TULP4: variants seen among roughly 807,000 people sequenced by gnomAD.
The protein encoded by TULP4 is TUB like protein 4, also known as tubby-related protein 4.
A neutral mutation model predicts 129.0 loss-of-function variants in TULP4; 16 were observed. The ratio of observed to expected loss-of-function variants is 0.12; its 90% CI spans 0.08 to 0.19. The LOEUF (loss-of-function observed/expected upper bound fraction) is 0.19. TULP4 is among the 10% of genes least tolerant of loss of function. The pLI, the probability that TULP4 is intolerant of heterozygous loss-of-function variation, is 1.00. For missense variants in TULP4, 1,842 were observed against 2,059.1 expected (o/e 0.89, Z 2.04); for synonymous variants, 998 against 854.0 (o/e 1.17, Z -2.94).
Position 158,313,967 on chromosome 6 carries a change from T to G in TULP4, c.-50T>G. ...ACCAATGAAAGAAATTGGTTTAAAT[T>G]TCACAGCATTAACATTACTTTTTAA... On this transcript the variant is annotated 5_prime_UTR_variant, in exon 1 of 14. In the 5' UTR this introduces an upstream ATG that the reference lacks. Transcript: ENST00000367097. 6.3e-7 allele frequency: 1 copy of G among 1,582,104 alleles called. No individual in the cohort carries two copies. Among genetic ancestry groups the G allele is most frequent in the Non-Finnish European group, 8.6e-7 (1 of 1,163,210 alleles).
chr6:158,253,988 G>A (rs548058911), intron 1 of TULP4, among the ~76,000 whole-genome samples: 106 of 152,036 alleles, frequency 7.0e-4, no homozygotes, highest in African/African-American at 2.3e-3. Flanking sequence ...GCAGTGAGCT[G>A]AGATTGCCCC....
Position 158,502,696 on chromosome 6 carries a change from C to T in TULP4, c.3033C>T (p.Pro1011=). Residue 1011 remains proline, a synonymous_variant, in exon 13 of 14, where the codon CCC becomes CCT. Coordinates refer to ENST00000367097, the MANE Select transcript of TULP4 (RefSeq NM_020245.5). The part of the protein sequence containing the change: ...LADSPRAPLQ[P]LAKSKGGPGG... ...ACAGCCCGCGGGCCCCCCTGCAGCC[C>T]CTGGCCAAGTCCAAGGGCGGGCCCG... 1 of 1,559,032 alleles carries T rather than the reference C, an allele frequency of 6.4e-7. No homozygotes were observed. The highest frequency in any genetic ancestry group is 2.3e-5 in the East Asian group (1 of 44,320).
At chr6:158,359,378 G>A (rs1226380151) in intron 1 of TULP4, among the ~76,000 whole-genome samples, 1 of 152,204 alleles carries the variant, frequency 6.6e-6, no homozygotes, top group African/African-American at 2.4e-5. Flanking sequence ...TGTTAAAGGA[G>A]AGTTTATTAA....
At chr6:158,392,613 A>T (rs1308810481) in intron 1 of TULP4, among the ~76,000 whole-genome samples, 2 of 151,948 alleles carry the variant, frequency 1.3e-5, no homozygotes, top group Non-Finnish European at 2.9e-5. Context: ...CTCACATCTC[A>T]GGGGCCAGCC....
At chr6:158,464,704 G>T (rs898183468) in intron 6 of TULP4, among the ~76,000 whole-genome samples, 3 of 152,148 alleles carry the variant, frequency 2.0e-5, no homozygotes, top group African/African-American at 7.2e-5. Flanking sequence ...TGGCCCCAAG[G>T]TTCTTGTTAT....
At chr6:158,426,939 A>G (rs1405240704) in intron 2 of TULP4, among the ~76,000 whole-genome samples, 1 of 151,978 alleles carries the variant, frequency 6.6e-6, no homozygotes, top group Non-Finnish European at 1.5e-5. Flanking sequence ...CCTTCACCTC[A>G]CTGGTTATCT....
chr6:158,328,051 T>G (rs979812572), intron 1 of TULP4, among the ~76,000 whole-genome samples: 2 of 151,684 alleles, frequency 1.3e-5, no homozygotes, highest in Middle Eastern at 3.4e-3. Flanking sequence ...CCTGTGAATA[T>G]ACTCCTGTTG....
intron 11 of TULP4, among the ~76,000 whole-genome samples, chr6:158,497,816 G>A (rs966391560): frequency 2.0e-5 from 3 of 152,322 alleles, no homozygotes; most frequent in Non-Finnish European, 4.4e-5. Flanking sequence ...CTGCTGTGCC[G>A]CAGTCATGCT....
chr6:158,500,065 CTTT>C (rs1780409154), intron 12 of TULP4, among the ~76,000 whole-genome samples: 1 of 152,172 alleles, frequency 6.6e-6, no homozygotes, highest in East Asian at 1.9e-4. Context: ...TTAGAAGTAT[CTTT>C]TAAACTTTCC....
chr6:158,415,416 C>G (rs1422774684), intron 2 of TULP4, among the ~76,000 whole-genome samples: 2 of 146,308 alleles, frequency 1.4e-5, no homozygotes, highest in Non-Finnish European at 3.0e-5. Context: ...GGGGCACGAT[C>G]TCAACTCACT....
chr6:158,366,463 T>A (rs1780967252), intron 1 of TULP4, among the ~76,000 whole-genome samples: 1 of 152,228 alleles, frequency 6.6e-6, no homozygotes, highest in Admixed American at 6.5e-5. Context: ...GCCCCAGGGA[T>A]GGGCTTTATC....
At chr6:158,495,122 C>G (rs1047256032) in intron 11 of TULP4, among the ~76,000 whole-genome samples, 7 of 151,612 alleles carry the variant, frequency 4.6e-5, no homozygotes, top group Admixed American at 3.9e-4. Context: ...GTGACACGAT[C>G]ACAGCTCACT....
chr6:158,303,596 A>G (rs1386466751), intron 1 of TULP4, among the ~76,000 whole-genome samples: 1 of 152,186 alleles, frequency 6.6e-6, no homozygotes, highest in Non-Finnish European at 1.5e-5. Context: ...GCAAAAGCAG[A>G]ACTACTGGTA....
chr6:158,406,536 TA>T (rs1777981082), intron 1 of TULP4, among the ~76,000 whole-genome samples: 1 of 152,194 alleles, frequency 6.6e-6, no homozygotes, highest in South Asian at 2.1e-4. Context: ...GTTAGAGTCA[TA>T]GGGGGTACTA....
At chr6:158,370,482 A>AT (rs1206310146) in intron 1 of TULP4, among the ~76,000 whole-genome samples, 46 of 149,780 alleles carry the variant, frequency 3.1e-4, no homozygotes, top group Middle Eastern at 3.4e-3. Flanking sequence ...AAAAAAAAAA[A>AT]AGATTGTGGC....
chr6:158,293,983 C>G (rs1001430901), intron 1 of TULP4, among the ~76,000 whole-genome samples: 1 of 152,166 alleles, frequency 6.6e-6, no homozygotes, highest in African/African-American at 2.4e-5. Flanking sequence ...GCCATTAAAA[C>G]TAATTAGGAA....
intron 1 of TULP4, among the ~76,000 whole-genome samples, chr6:158,260,213 A>G (rs530828559): frequency 2.6e-5 from 4 of 152,330 alleles, no homozygotes; most frequent in Non-Finnish European, 5.9e-5. Flanking sequence ...GACTCTTCAC[A>G]GATAACAAAA....
chr6:158,415,623 G>C (rs183192182), intron 2 of TULP4, among the ~76,000 whole-genome samples: 1 of 149,854 alleles, frequency 6.7e-6, no homozygotes, highest in East Asian at 2.0e-4. Context: ...GCCTCCCAAA[G>C]TGCTGGGATT....
chr6:158,243,748 T>C (rs1777970248), intron 1 of TULP4, among the ~76,000 whole-genome samples: 1 of 152,180 alleles, frequency 6.6e-6, no homozygotes, highest in African/African-American at 2.4e-5. Flanking sequence ...TCTTTCTTTT[T>C]GTGATACTAG....
Sources: allele counts gnomAD v4.1 joint callset (sites outside exome capture counted in the v4.1 genomes callset), GRCh38; gene constraint gnomAD v4.1.1; transcripts MANE v1.5; gene names NCBI Gene and HGNC (gene_info 2026-07-23, HGNC 2026-07-21).